Variants in PACS1 observed in about 807,000 individuals in gnomAD.
The protein encoded by PACS1 is PACS-1.
A neutral mutation model predicts 115.0 loss-of-function variants in PACS1; 24 were observed. That is an observed-to-expected ratio of 0.21 (90% CI 0.15 to 0.29). The LOEUF is 0.29. Among genes scored for constraint, PACS1 ranks in the 10% least tolerant of loss-of-function variants. The probability of loss-of-function intolerance (pLI) is 1.00; values close to 1 mark genes in which losing one functional copy is unlikely to be tolerated. For synonymous variants in PACS1, 453 were observed against 504.5 expected, an observed-to-expected ratio of 0.90 and a Z score of 1.37; for missense variants, 838 against 1,251.2, an observed-to-expected ratio of 0.67 and a Z score of 4.98.
At chr11:66,071,885 A>G (rs886514450) in intron 1 of PACS1, among the ~76,000 whole-genome samples, 1 of 151,972 alleles carries the variant, frequency 6.6e-6, no homozygotes, top group Non-Finnish European at 1.5e-5. Flanking sequence ...ATATTGTTTT[A>G]TATATATATC....
intron 2 of PACS1, among the ~76,000 whole-genome samples, chr11:66,202,557 C>G (rs1038638916): frequency 3.2e-4 from 49 of 151,350 alleles, no homozygotes; most frequent in African/African-American, 1.1e-3. Context: ...TACATCATAT[C>G]AACAGAATGA....
chr11:66,108,951 A>G (rs939006131), intron 1 of PACS1, among the ~76,000 whole-genome samples: 9 of 152,198 alleles, frequency 5.9e-5, no homozygotes, highest in Non-Finnish European at 1.2e-4. Context: ...CCTGGATGAC[A>G]GAGCAGCAAG....
chr11:66,243,075 G>A (rs373158273), intron 23 of PACS1, 44 bp downstream of exon 23: 202 of 1,612,694 alleles, frequency 1.3e-4, no homozygotes, highest in Non-Finnish European at 1.6e-4. Flanking sequence ...GAAAGGGACT[G>A]GAGAGGGAGG....
At chr11:66,173,513 G>C (rs1336068684) in intron 1 of PACS1, among the ~76,000 whole-genome samples, 1 of 151,588 alleles carries the variant, frequency 6.6e-6, no homozygotes, top group East Asian at 1.9e-4. Flanking sequence ...TTCGAAACCA[G>C]CTTGGCCATC....
chr11:66,146,139 A>G (rs1859117923), intron 1 of PACS1, among the ~76,000 whole-genome samples: 1 of 152,118 alleles, frequency 6.6e-6, no homozygotes, highest in Non-Finnish European at 1.5e-5. Flanking sequence ...AACAAACACT[A>G]ATGGGACAAA....
chr11:66,170,476 G>A (rs555527), intron 1 of PACS1, among the ~76,000 whole-genome samples: 147,964 of 150,280 alleles, frequency 0.98, 73,102 homozygotes, highest in Middle Eastern at 1. Flanking sequence ...TCTGAATATT[G>A]TCTGATTTAT....
At chr11:66,078,814 A>G (rs1472388489) in intron 1 of PACS1, among the ~76,000 whole-genome samples, 1 of 152,232 alleles carries the variant, frequency 6.6e-6, no homozygotes, top group Admixed American at 6.5e-5. Context: ...TCAGCCTACC[A>G]TAGTGTTGGG....
chr11:66,211,505 A>C (rs1476782657), intron 4 of PACS1, among the ~76,000 whole-genome samples: 1 of 152,240 alleles, frequency 6.6e-6, no homozygotes, highest in Admixed American at 6.5e-5. Context: ...AAAATTTCAA[A>C]CTTTCAGAAA....
At chr11:66,081,074 GAAA>G (rs935259952) in intron 1 of PACS1, among the ~76,000 whole-genome samples, 1 of 150,732 alleles carries the variant, frequency 6.6e-6, no homozygotes, top group Non-Finnish European at 1.5e-5. Context: ...ACAAAAAATA[GAAA>G]AAAAAATTAG....
chr11:66,203,867 AGACTT>A (rs1854873216), intron 2 of PACS1, among the ~76,000 whole-genome samples: 1 of 124,530 alleles, frequency 8.0e-6, no homozygotes, highest in African/African-American at 2.6e-5. Flanking sequence ...AATTGACTGG[AGACTT>A]AACTCTAATA....
At chr11:66,216,003 A>T in intron 4 of PACS1, 116 bp from the exon 5 acceptor site, 1 of 775,154 alleles carries the variant, frequency 1.3e-6, no homozygotes, top group South Asian at 2.0e-5. Flanking sequence ...TTTGAAAGTA[A>T]GGAAGAAAAC....
intron 1 of PACS1, among the ~76,000 whole-genome samples, chr11:66,071,795 C>T (rs1378587299): frequency 6.6e-6 from 1 of 152,146 alleles, no homozygotes; most frequent in Non-Finnish European, 1.5e-5. Flanking sequence ...GTTAGGCAGA[C>T]GGATGTGTAA....
At chr11:66,217,868 C>G in intron 7 of PACS1, 3 of 275,002 alleles carry the variant, frequency 1.1e-5, no homozygotes, top group Non-Finnish European at 2.1e-5. Context: ...AGAAAGCGGC[C>G]CTATTTTCTT....
At chr11:66,142,106 G>A (rs535426139) in intron 1 of PACS1, among the ~76,000 whole-genome samples, 2 of 151,834 alleles carry the variant, frequency 1.3e-5, no homozygotes, top group African/African-American at 4.8e-5. Flanking sequence ...CACCGCTCCC[G>A]GCCAGAGATG....
intron 1 of PACS1, among the ~76,000 whole-genome samples, chr11:66,075,441 T>G (rs955699767): frequency 2.6e-5 from 4 of 151,978 alleles, no homozygotes; most frequent in Non-Finnish European, 5.9e-5. Flanking sequence ...GGGGTCTTGC[T>G]GTGTTGCCCA....
intron 1 of PACS1, among the ~76,000 whole-genome samples, chr11:66,104,227 TAAA>T (rs1028133125): frequency 6.6e-6 from 1 of 152,118 alleles, no homozygotes; most frequent in Non-Finnish European, 1.5e-5. Context: ...TGAAAGGTAA[TAAA>T]AGTCTGATTT....
rs1565095490 is a variant in PACS1 at position 66,070,507 on chromosome 11, G to A, written c.21G>A (p.Ala7=). 4.6e-6 allele frequency: 6 copies of A among 1,306,918 alleles called. No homozygotes were observed. The highest frequency in any genetic ancestry group is 5.8e-6 in the Non-Finnish European group (6 of 1,035,720). 81.0% of individuals were successfully genotyped at this position (1,306,918 alleles called of 1,614,324 possible). A position where few individuals can be genotyped will look rare whatever the true frequency, so the allele number is the denominator to read the frequency against. The change falls in exon 1 of 24, where the codon GCG becomes GCA. Residue 7 remains alanine, a synonymous_variant. Transcript: ENST00000320580. The surrounding 1 kb of genome is among the most constrained non-coding windows in gnomAD (Gnocchi z 5.9). MAERGG[A]GGGPGGAGGG... is the part of the protein sequence containing the mutation. ...GGGCCATGGCGGAACGCGGAGGGGC[G>A]GGCGGTGGTCCCGGAGGCGCCGGGG...
intron 1 of PACS1, among the ~76,000 whole-genome samples, chr11:66,084,663 G>A (rs981929762): frequency 5.9e-5 from 9 of 152,114 alleles, no homozygotes; most frequent in Non-Finnish European, 1.3e-4. Context: ...GATTTGAGGT[G>A]TGACAGAACA....
At chr11:66,085,995 G>A (rs923436875) in intron 1 of PACS1, among the ~76,000 whole-genome samples, 3 of 152,058 alleles carry the variant, frequency 2.0e-5, no homozygotes, top group Non-Finnish European at 2.9e-5. Flanking sequence ...TGCCACTGGC[G>A]ATATGATTTT....
Sources: gnomAD v4.1 joint callset for allele counts (sites outside exome capture counted in the v4.1 genomes callset) on GRCh38, gnomAD v4.1.1 for gene constraint, Gnocchi (gnomAD v3.1) non-coding constraint, MANE v1.5 for transcripts, NCBI Gene and HGNC (gene_info 2026-07-23, HGNC 2026-07-21) for gene names.